JAZF1: variants seen among roughly 807,000 people sequenced by gnomAD.
JAZF1 encodes JAZF zinc finger 1.
A neutral mutation model predicts 26.4 loss-of-function variants in JAZF1; 8 were observed. The observed-to-expected ratio is 0.30, with a 90% CI of 0.18 to 0.55. The LOEUF (loss-of-function observed/expected upper bound fraction) is 0.55. JAZF1 is among the 20% of genes least tolerant of loss of function. The pLI is 0.94. For synonymous variants in JAZF1, 126 were observed against 122.3 expected (o/e 1.03, Z -0.20); for missense variants, 199 against 322.0 (o/e 0.62, Z 2.92).
At chr7:28,074,816 T>G (rs1253434297) in intron 1 of JAZF1, among the ~76,000 whole-genome samples, 3 of 152,180 alleles carry the variant, frequency 2.0e-5, no homozygotes, top group African/African-American at 7.2e-5. Flanking sequence ...ACTGCCTCAT[T>G]TTAGGACAAA....
At chr7:28,138,015 T>C (rs555919435) in intron 1 of JAZF1, among the ~76,000 whole-genome samples, 2 of 152,324 alleles carry the variant, frequency 1.3e-5, no homozygotes, top group South Asian at 4.1e-4. Context: ...CAATTCCAGA[T>C]AATCTCACTC....
intron 2 of JAZF1, among the ~76,000 whole-genome samples, chr7:27,973,604 T>C (rs115084737): frequency 0.011 from 1,613 of 152,132 alleles, 25 homozygotes; most frequent in African/African-American, 0.036. Flanking sequence ...CGGTAGGGGG[T>C]GTATGATTTT....
At position 27,985,400 on chromosome 7, in the gene JAZF1, C is replaced by T. The variant is rs563127460; in HGVS notation, c.188+6509G>A. ...CATATACACCCTCCCAAGACTAAAC[C>T]AGGAAGAAGTTGAATCTGTGAATAG... On this transcript the variant is annotated intron_variant, in intron 2 of 4. Transcript: ENST00000283928. Among the ~76,000 whole-genome samples, 6 of 152,178 alleles carry T rather than the reference C, an allele frequency of 3.9e-5. No individual in the cohort carries two copies. In the East Asian group the frequency reaches 9.6e-4, roughly 24 times the overall value.
At chr7:27,939,848 C>T (rs1051859453) in intron 2 of JAZF1, among the ~76,000 whole-genome samples, 1 of 152,172 alleles carries the variant, frequency 6.6e-6, no homozygotes, top group Non-Finnish European at 1.5e-5. Flanking sequence ...GTTCTCATCA[C>T]GGGGTCTACA....
rs1197916840 is a variant in JAZF1 at position 27,966,159 on chromosome 7, C to T, written c.188+25750G>A. ...TTAAAAAAAGCACCCAACACATTAA[C>T]ACTACACAATACATTCCACAACTCT... On this transcript the variant is annotated intron_variant, in intron 2 of 4. Coordinates refer to ENST00000283928, the MANE Select transcript of JAZF1 (RefSeq NM_175061.4). Among the ~76,000 whole-genome samples the T allele has an allele frequency of 2.0e-5, 3 of 152,178 alleles. No individual in the cohort carries two copies. In the East Asian group the frequency reaches 5.8e-4, roughly 29 times the overall value.
intron 1 of JAZF1, among the ~76,000 whole-genome samples, chr7:28,098,971 C>T (rs955518306): frequency 2.0e-5 from 3 of 152,182 alleles, no homozygotes; most frequent in Admixed American, 1.3e-4. Context: ...TTCTCTCTCT[C>T]GGGCCATGAT....
At chr7:28,109,773 C>T (rs978969969) in intron 1 of JAZF1, among the ~76,000 whole-genome samples, 2 of 152,170 alleles carry the variant, frequency 1.3e-5, no homozygotes, top group Non-Finnish European at 2.9e-5. Flanking sequence ...TCAGTATTAG[C>T]CATGAGAGAC....
chr7:28,080,880 A>G (rs1784124791), intron 1 of JAZF1, among the ~76,000 whole-genome samples: 1 of 152,150 alleles, frequency 6.6e-6, no homozygotes, highest in African/African-American at 2.4e-5. Context: ...TGACACAGAG[A>G]CATAAAGCAA....
rs566451529 is a variant in JAZF1 at position 27,998,471 on chromosome 7, TA to T, written c.116-6491del. On this transcript the variant is annotated intron_variant, in intron 1 of 4. Coordinates refer to ENST00000283928, the MANE Select transcript of JAZF1 (RefSeq NM_175061.4). ...ATAATGCTTGTTGGCAACGGCCCTT[TA>T]AAAAAAAAATTGTACAATTGCACAT... Among the ~76,000 whole-genome samples, 178 of 150,892 alleles carry T rather than the reference TA, an allele frequency of 1.2e-3. 1 individual carries two copies. Among genetic ancestry groups the T allele is most frequent in the Middle Eastern group, 0.01 (3 of 290 alleles).
At chr7:28,158,149 G>GCGCGCA (rs1554292371) in intron 1 of JAZF1, among the ~76,000 whole-genome samples, 1 of 131,818 alleles carries the variant, frequency 7.6e-6, no homozygotes, top group Admixed American at 8.4e-5. Context: ...AAACACGCGC[G>GCGCGCA]CACACACACA....
At chr7:28,072,360 G>A (rs143055764) in intron 1 of JAZF1, among the ~76,000 whole-genome samples, 2,144 of 152,264 alleles carry the variant, frequency 0.014, 36 homozygotes, top group African/African-American at 0.043. Flanking sequence ...TTAACAAAAC[G>A]GCATAAGCCT....
At chr7:28,018,696 C>T (rs977802863) in intron 1 of JAZF1, among the ~76,000 whole-genome samples, 32 of 152,176 alleles carry the variant, frequency 2.1e-4, no homozygotes, top group African/African-American at 6.8e-4. Flanking sequence ...AGGCTGAATA[C>T]AACATATTCT....
intron 3 of JAZF1, among the ~76,000 whole-genome samples, chr7:27,852,389 C>A (rs1383175468): frequency 6.6e-6 from 1 of 152,162 alleles, no homozygotes; most frequent in Non-Finnish European, 1.5e-5. Flanking sequence ...TCACCTCAGC[C>A]TCCGAAAGTG....
At chr7:28,150,341 T>C in intron 1 of JAZF1, among the ~76,000 whole-genome samples, 1 of 152,118 alleles carries the variant, frequency 6.6e-6, no homozygotes, top group East Asian at 1.9e-4. Context: ...CTTCCAGACT[T>C]TTGGATTTCA....
chr7:28,174,821 G>GGTGTGTGTGTGTGTGTGTGTGTGTGT (rs58952216), intron 1 of JAZF1, among the ~76,000 whole-genome samples: 7 of 107,688 alleles, frequency 6.5e-5, no homozygotes, highest in African/African-American at 2.0e-4. Flanking sequence ...GGGGTGTGTG[G>GGTGTGTGTGTGTGTGTGTGTGTGTGT]GTGTGTGTGT....
In JAZF1 at chr7:27,895,814, C is replaced by G. The variant is rs545856426; in HGVS notation, c.189-398G>C. ...CCTAAGTAGACAGTGCTTCCTTTAT[C>G]TGCAGGTTGGCAGTATTTCTTCTTT... On this transcript the variant is annotated intron_variant, in intron 2 of 4. Coordinates refer to ENST00000283928, the MANE Select transcript of JAZF1 (RefSeq NM_175061.4). Among the ~76,000 whole-genome samples the G allele has an allele frequency of 2.6e-5, 4 of 152,338 alleles. No homozygotes were observed. In the South Asian group the frequency reaches 8.3e-4, roughly 32 times the overall value.
chr7:28,132,697 C>T (rs1442089791), intron 1 of JAZF1, among the ~76,000 whole-genome samples: 1 of 152,178 alleles, frequency 6.6e-6, no homozygotes, highest in East Asian at 1.9e-4. Flanking sequence ...GGAAATTAAA[C>T]ATAGACATGG....
At chr7:28,122,956 TC>T (rs946122672) in intron 1 of JAZF1, among the ~76,000 whole-genome samples, 19 of 152,274 alleles carry the variant, frequency 1.2e-4, no homozygotes, top group African/African-American at 4.6e-4. Flanking sequence ...TGATATCCTA[TC>T]TAAAGATGCC....
chr7:28,067,374 T>C (rs536480918), intron 1 of JAZF1, among the ~76,000 whole-genome samples: 1 of 152,334 alleles, frequency 6.6e-6, no homozygotes, highest in South Asian at 2.1e-4. Flanking sequence ...TGACAAATGC[T>C]GTTGTGCCCA....
Sources: gnomAD v4.1 joint callset for allele counts (sites outside exome capture counted in the v4.1 genomes callset) on GRCh38, gnomAD v4.1.1 for gene constraint, MANE v1.5 for transcripts, NCBI Gene and HGNC (gene_info 2026-07-23, HGNC 2026-07-21) for gene names.